SGCZ: variants seen among roughly 807,000 people sequenced by gnomAD.
SGCZ encodes the protein zeta-sarcoglycan.
Under a neutral mutation model 41.3 loss-of-function variants are expected in SGCZ, and 40 were observed. The ratio of observed to expected loss-of-function variants is 0.97; its 90% confidence interval spans 0.75 to 1.26. The LOEUF (loss-of-function observed/expected upper bound fraction) is 1.26. SGCZ is among the 50% of genes most tolerant of loss of function. SGCZ has a pLI of 0.00. For missense variants in SGCZ, 552 were observed against 369.8 expected (o/e 1.49, Z -4.04); for synonymous variants, 206 against 137.5 (o/e 1.50, Z -3.49).
intron 1 of SGCZ, among the ~76,000 whole-genome samples, chr8:14,861,098 C>G (rs183628838): frequency 6.6e-5 from 10 of 152,204 alleles, no homozygotes; most frequent in Non-Finnish European, 1.3e-4. Context: ...TAGATGCGTA[C>G]GAGGTGAATG....
At chr8:15,193,862 T>C (rs1800623382) in intron 1 of SGCZ, among the ~76,000 whole-genome samples, 1 of 152,168 alleles carries the variant, frequency 6.6e-6, no homozygotes, top group South Asian at 2.1e-4. Flanking sequence ...TTTACATTTA[T>C]AACCAGGGAC....
intron 1 of SGCZ, among the ~76,000 whole-genome samples, chr8:14,838,394 C>T (rs1802779226): frequency 6.6e-6 from 1 of 152,164 alleles, no homozygotes; most frequent in African/African-American, 2.4e-5. Flanking sequence ...CACCTTAGAG[C>T]ATGCCATTGA....
rs950146647 is a variant in SGCZ, at chr8:15,081,310, C to T, written c.39+156275G>A. On this transcript the variant is annotated intron_variant, in intron 1 of 7. Transcript: ENST00000382080. ...CAAAAGGAGTAATGTCATTTATTTGCATTTTAAAATCAGAAGTCTGAGATG... is the reference window on the plus strand; with the variant it reads ...CAAAAGGAGTAATGTCATTTATTTGTATTTTAAAATCAGAAGTCTGAGATG... Among the ~76,000 whole-genome samples, 144 of 152,128 alleles carry T rather than the reference C, an allele frequency of 9.5e-4. 2 individuals carry two copies. Among genetic ancestry groups the T allele is most frequent in the Admixed American group, 9.2e-3 (140 of 15,268 alleles).
intron 2 of SGCZ, among the ~76,000 whole-genome samples, chr8:14,396,765 G>C (rs1344038200): frequency 6.6e-6 from 1 of 151,962 alleles, no homozygotes; most frequent in African/African-American, 2.4e-5. Flanking sequence ...TTACGAGATA[G>C]TGAGCTTTCA....
At chr8:15,017,777 A>G (rs1276227259) in intron 1 of SGCZ, among the ~76,000 whole-genome samples, 1 of 152,128 alleles carries the variant, frequency 6.6e-6, no homozygotes, top group African/African-American at 2.4e-5. Flanking sequence ...AAGTGCTGGG[A>G]TTTCAGGTGT....
intron 1 of SGCZ, among the ~76,000 whole-genome samples, chr8:15,101,122 C>T (rs543215814): frequency 2.0e-5 from 3 of 152,120 alleles, no homozygotes; most frequent in Non-Finnish European, 4.4e-5. Flanking sequence ...GTAGACCTAA[C>T]GTAAAACTCA....
At chr8:14,106,446 G>A (rs1350843157) in intron 6 of SGCZ, among the ~76,000 whole-genome samples, 1 of 150,164 alleles carries the variant, frequency 6.7e-6, no homozygotes, top group African/African-American at 2.4e-5. Flanking sequence ...CTTAGTCCTT[G>A]AAGAAGGCCA....
intron 2 of SGCZ, among the ~76,000 whole-genome samples, chr8:14,407,806 AATG>A (rs1799252309): frequency 1.3e-5 from 2 of 152,130 alleles, no homozygotes; most frequent in African/African-American, 4.8e-5. Context: ...GAGACTTTCA[AATG>A]ATGACCTTAT....
At chr8:14,264,358 G>A (rs183128490) in intron 3 of SGCZ, among the ~76,000 whole-genome samples, 5 of 152,254 alleles carry the variant, frequency 3.3e-5, no homozygotes, top group Admixed American at 2.6e-4. Flanking sequence ...GTAGAGTGGA[G>A]CTCTGCAGTG....
intron 1 of SGCZ, among the ~76,000 whole-genome samples, chr8:15,116,038 C>T (rs904129859): frequency 2.6e-5 from 4 of 152,060 alleles, no homozygotes; most frequent in African/African-American, 7.2e-5. Context: ...TAAAAACAGC[C>T]ATAAACAATA....
chr8:14,419,967 A>G (rs547197705), intron 2 of SGCZ, among the ~76,000 whole-genome samples: 29 of 152,154 alleles, frequency 1.9e-4, no homozygotes, highest in Non-Finnish European at 4.1e-4. Flanking sequence ...CTGCTTCACA[A>G]TTCCTTGGGC....
chr8:14,115,684 T>A (rs1048487313), intron 5 of SGCZ, among the ~76,000 whole-genome samples: 1 of 151,920 alleles, frequency 6.6e-6, no homozygotes, highest in Non-Finnish European at 1.5e-5. Flanking sequence ...TTTTTTTTTG[T>A]ATAACCCTTT....
chr8:14,822,269 A>G (rs903039215), intron 1 of SGCZ, among the ~76,000 whole-genome samples: 3 of 152,166 alleles, frequency 2.0e-5, no homozygotes, highest in South Asian at 2.1e-4. Flanking sequence ...AGCTAAGAAT[A>G]AACTTATCCA....
intron 3 of SGCZ, among the ~76,000 whole-genome samples, chr8:14,265,814 A>C (rs1478690014): frequency 6.6e-6 from 1 of 151,952 alleles, no homozygotes; most frequent in Non-Finnish European, 1.5e-5. Flanking sequence ...GAAATCCTAG[A>C]CTTGAAAATT....
chr8:14,243,243 A>G (rs1292901695), intron 3 of SGCZ, among the ~76,000 whole-genome samples: 1 of 152,212 alleles, frequency 6.6e-6, no homozygotes, highest in Admixed American at 6.6e-5. Context: ...ATAGTTTACA[A>G]GAAAAATTTT....
intron 1 of SGCZ, among the ~76,000 whole-genome samples, chr8:14,623,680 A>G (rs1585133376): frequency 6.6e-6 from 1 of 152,200 alleles, no homozygotes; most frequent in East Asian, 1.9e-4. Flanking sequence ...AGTAATGTTT[A>G]TAATTTTTAA....
chr8:14,699,964 G>C (rs919281115), intron 1 of SGCZ, among the ~76,000 whole-genome samples: 1 of 151,958 alleles, frequency 6.6e-6, no homozygotes, highest in Non-Finnish European at 1.5e-5. Context: ...GCAGATGTTG[G>C]CGAGGTTGCA....
intron 1 of SGCZ, among the ~76,000 whole-genome samples, chr8:14,671,887 A>G (rs988721398): frequency 1.3e-5 from 2 of 152,160 alleles, no homozygotes; most frequent in African/African-American, 4.8e-5. Context: ...TCCCAACATA[A>G]ACATACTAAT....
chr8:15,148,619 G>A (rs1563151369), intron 1 of SGCZ, among the ~76,000 whole-genome samples: 1 of 152,058 alleles, frequency 6.6e-6, no homozygotes, highest in East Asian at 1.9e-4. Context: ...CTGAATTTAC[G>A]ATATTGTTGA....
Sources: allele counts gnomAD v4.1 joint callset (sites outside exome capture counted in the v4.1 genomes callset), GRCh38; gene constraint gnomAD v4.1.1; transcripts MANE v1.5; gene names NCBI Gene and HGNC (gene_info 2026-07-23, HGNC 2026-07-21).